The following ERBIN variants were observed in gnomAD, a reference collection of about 807,000 sequenced individuals.
ERBIN encodes the protein erbb2 interacting protein.
Under a neutral mutation model 158.4 loss-of-function variants are expected in ERBIN, and 60 were observed. The ratio of observed to expected loss-of-function variants is 0.38; its 90% CI spans 0.31 to 0.47. The LOEUF (loss-of-function observed/expected upper bound fraction) is 0.47, where lower values mean the gene tolerates loss of function less well. Ranked by LOEUF, ERBIN falls within the 20% of genes least tolerant of loss-of-function variation. The pLI is 0.99. For missense variants in ERBIN, 1,610 were observed against 1,648.0 expected, an observed-to-expected ratio of 0.98 and a Z score of 0.40; for synonymous variants, 594 against 557.2, an observed-to-expected ratio of 1.07 and a Z score of -0.93.
At chr5:66,076,490 T>A (rs1580559449) in intron 24 of ERBIN, 82 bp downstream of exon 24, 1 of 1,062,484 alleles carries the variant, frequency 9.4e-7, no homozygotes, top group East Asian at 2.4e-5. Flanking sequence ...GAAAATCTAA[T>A]AGATGTTTAT....
intron 14 of ERBIN, 44 bp from the exon 15 acceptor site, chr5:66,038,339 G>C: frequency 7.7e-7 from 1 of 1,293,478 alleles, no homozygotes; most frequent in Non-Finnish European, 1.1e-6. Context: ...ATATATATTT[G>C]CTTTAGGGTT....
At chr5:66,007,962 A>G (rs955933429) in intron 4 of ERBIN, among the ~76,000 whole-genome samples, 7 of 152,212 alleles carry the variant, frequency 4.6e-5, no homozygotes, top group Admixed American at 1.3e-4. Flanking sequence ...GCAATTTTCA[A>G]AAGTAGAAAA....
chr5:65,953,920 CT>C (rs1380439553), intron 1 of ERBIN, among the ~76,000 whole-genome samples: 2 of 152,132 alleles, frequency 1.3e-5, no homozygotes, highest in Non-Finnish European at 2.9e-5. Flanking sequence ...TTAGACCCCC[CT>C]CCCCCAAACA....
intron 8 of ERBIN, among the ~76,000 whole-genome samples, chr5:66,022,676 G>C (rs1402854158): frequency 6.6e-6 from 1 of 152,074 alleles, no homozygotes; most frequent in African/African-American, 2.4e-5. Context: ...ACAACACTTG[G>C]ATTAATTTTG....
intron 1 of ERBIN, among the ~76,000 whole-genome samples, chr5:65,974,288 A>G (rs1390257550): frequency 6.6e-6 from 1 of 152,198 alleles, no homozygotes; most frequent in African/African-American, 2.4e-5. Context: ...CTCATTGAGA[A>G]CCATTGATGT....
intron 18 of ERBIN, among the ~76,000 whole-genome samples, chr5:66,046,818 A>G (rs144104973): frequency 7.6e-4 from 116 of 152,290 alleles, no homozygotes; most frequent in African/African-American, 2.5e-3. Flanking sequence ...TGAAAAGACT[A>G]CTATAGGCAT....
At chr5:66,011,714 G>A (rs1218787898) in intron 4 of ERBIN, among the ~76,000 whole-genome samples, 1 of 150,652 alleles carries the variant, frequency 6.6e-6, no homozygotes, top group African/African-American at 2.5e-5. Flanking sequence ...ATGAAAAACG[G>A]TCCTTTTTTT....
rs1183198287 is a variant in ERBIN at position 65,992,919 on chromosome 5, C to G, written c.189+12C>G. The G allele has an allele frequency of 1.8e-5, 28 of 1,522,980 alleles. No homozygotes were observed. The highest frequency in any genetic ancestry group is 2.4e-5 in the Non-Finnish European group (27 of 1,133,266). The allele number at this position is 1,522,980 out of a possible 1,614,324, so 94.3% of individuals were successfully genotyped here. A position where few individuals can be genotyped will look rare whatever the true frequency, so the allele number is the denominator to read the frequency against. On this transcript the variant is annotated intron_variant, in intron 3 of 25. Transcript: ENST00000284037. ...AAGAGCTTCCAAAGGTATGCTAATACTTTCTTTCAAGAATTATCTTTGGTT... is the reference window on the plus strand; with the variant it reads ...AAGAGCTTCCAAAGGTATGCTAATAGTTTCTTTCAAGAATTATCTTTGGTT...
chr5:66,012,020 T>C lies in ERBIN; in HGVS notation c.308-29T>C, dbSNP rs767345677. The C allele has an allele frequency of 1.4e-6, 2 of 1,422,836 alleles. 1 individual carries two copies. Among genetic ancestry groups the C allele is most frequent in the South Asian group, 2.4e-5 (2 of 83,276 alleles). 88.1% of individuals were successfully genotyped at this position (1,422,836 alleles called of 1,614,324 possible). A position where few individuals can be genotyped will look rare whatever the true frequency, so the allele number is the denominator to read the frequency against. ...ATTATTTTGTCCTTTGTAATAGATC[T>C]TTTAATTTGATCGTTGTTTGTTTTC... On this transcript the variant is annotated intron_variant, in intron 4 of 25. Transcript: ENST00000284037.
intron 1 of ERBIN, among the ~76,000 whole-genome samples, chr5:65,967,609 G>A (rs1378630798): frequency 6.6e-6 from 1 of 152,150 alleles, no homozygotes; most frequent in Non-Finnish European, 1.5e-5. Flanking sequence ...TAGACTCTGT[G>A]ATGTTTGTAC....
At chr5:66,015,320 G>A (rs1684283535) in intron 7 of ERBIN, among the ~76,000 whole-genome samples, 1 of 152,206 alleles carries the variant, frequency 6.6e-6, no homozygotes, top group Admixed American at 6.5e-5. Context: ...CATTGCTATA[G>A]TGTTACATTT....
At position 66,038,419 on chromosome 5, in the gene ERBIN, T is replaced by G. The variant is rs747200521; in HGVS notation, c.1243T>G (p.Ser415Ala). The G allele has an allele frequency of 1.9e-6, 3 of 1,612,330 alleles. No homozygotes were observed. Among genetic ancestry groups the G allele is most frequent in the South Asian group, 1.1e-5 (1 of 90,902 alleles). The change falls in exon 15 of 26, where the codon TCA becomes GCA. Residue 415 changes from serine (S) to alanine (A), a missense_variant. This residue lies in a region of ERBIN where 596 missense variants were observed against 711.9 expected (regional missense o/e 0.84). Transcript: ENST00000284037. ...PLIPLQKETD[S>A]ETQKMVLTNY... The stretch of plus-strand genomic sequence containing the variant: ...GATACCTCTTCAAAAAGAAACTGAT[T>G]CAGAGACCCAGAAAATGGTGCTTAC...
At chr5:66,017,197 TG>T (rs1252931012) in intron 7 of ERBIN, among the ~76,000 whole-genome samples, 1 of 152,186 alleles carries the variant, frequency 6.6e-6, no homozygotes, top group African/African-American at 2.4e-5. Context: ...TCCTTTCTTT[TG>T]TATATATACC....
chr5:65,973,661 TAAAG>T (rs909220892), intron 1 of ERBIN, among the ~76,000 whole-genome samples: 7 of 151,330 alleles, frequency 4.6e-5, no homozygotes, highest in African/African-American at 1.7e-4. Flanking sequence ...AAATACCACT[TAAAG>T]AACCGAAGAA....
intron 1 of ERBIN, among the ~76,000 whole-genome samples, chr5:65,963,604 CAA>C (rs1748171584): frequency 6.6e-6 from 1 of 151,532 alleles, no homozygotes; most frequent in African/African-American, 2.4e-5. Context: ...ATCTCAAAAA[CAA>C]AACAAAAACC....
chr5:66,066,190 G>A (rs964874895), intron 21 of ERBIN, among the ~76,000 whole-genome samples: 6 of 152,186 alleles, frequency 3.9e-5, no homozygotes, highest in African/African-American at 1.4e-4. Flanking sequence ...GTTAGAAGCA[G>A]ATTGAAAGTG....
chr5:66,008,236 G>A (rs1010071683), intron 4 of ERBIN, among the ~76,000 whole-genome samples: 1 of 152,112 alleles, frequency 6.6e-6, no homozygotes, highest in African/African-American at 2.4e-5. Context: ...GTGACATGGT[G>A]AAACCCCATA....
intron 1 of ERBIN, among the ~76,000 whole-genome samples, chr5:65,968,074 G>A (rs1418920910): frequency 6.6e-6 from 1 of 152,194 alleles, no homozygotes; most frequent in Non-Finnish European, 1.5e-5. Flanking sequence ...TAAGAAGCGT[G>A]TCACCAAGAC....
rs770263850 is a variant in ERBIN at position 66,048,750 on chromosome 5, A to C, written c.1872A>C (p.Pro624=). ...PPLIETSINQ[P]KVVALSNNKK... The stretch of plus-strand genomic sequence containing the variant: ...TAATTGAAACCTCTATTAACCAGCC[A>C]AAAGTCGTAGCACTTAGTAATAACA... Residue 624 remains proline (P), a synonymous_variant, in exon 19 of 26, where the codon CCA becomes CCC. Transcript: ENST00000284037. 1 of 1,606,860 alleles carries C rather than the reference A, an allele frequency of 6.2e-7. No homozygotes were observed. The highest frequency in any genetic ancestry group is 1.7e-5 in the Admixed American group (1 of 59,570).
Sources: gnomAD v4.1 joint callset for allele counts (sites outside exome capture counted in the v4.1 genomes callset) on GRCh38, gnomAD v4.1.1 for gene constraint, gnomAD v4.1.1 regional missense constraint, MANE v1.5 for transcripts, NCBI Gene and HGNC (gene_info 2026-07-23, HGNC 2026-07-21) for gene names.